The following TBC1D5 variants were observed in gnomAD, a reference collection of about 807,000 sequenced individuals.
TBC1D5 encodes the protein TBC1 domain family member 5.
A neutral mutation model predicts 100.3 loss-of-function variants in TBC1D5; 75 were observed. The observed-to-expected ratio is 0.75, with a 90% CI of 0.62 to 0.91. The LOEUF (loss-of-function observed/expected upper bound fraction) is 0.91. Ranked by LOEUF, TBC1D5 falls within the 40% of genes least tolerant of loss-of-function variation. The pLI is 0.00. For synonymous variants in TBC1D5, 323 were observed against 325.6 expected (o/e 0.99, Z 0.09); for missense variants, 910 against 942.4 (o/e 0.97, Z 0.45).
intron 15 of TBC1D5, among the ~76,000 whole-genome samples, chr3:17,269,756 T>C (rs553472287): frequency 1.1e-4 from 16 of 152,214 alleles, no homozygotes; most frequent in African/African-American, 3.9e-4. Flanking sequence ...AATTTGGTTT[T>C]GTTTCTGTGT....
intron 2 of TBC1D5, among the ~76,000 whole-genome samples, chr3:17,612,593 T>C (rs1217474228): frequency 1.3e-5 from 2 of 151,166 alleles, no homozygotes. Flanking sequence ...TCGCACCACT[T>C]CACTCAAGCC....
chr3:17,441,663 C>G (rs1024550248), intron 3 of TBC1D5, among the ~76,000 whole-genome samples: 3 of 152,140 alleles, frequency 2.0e-5, no homozygotes, highest in African/African-American at 7.2e-5. Context: ...CAATGAGAAG[C>G]TACTGGAAAG....
intron 15 of TBC1D5, among the ~76,000 whole-genome samples, chr3:17,268,199 G>T (rs571338399): frequency 8.9e-4 from 136 of 152,088 alleles, no homozygotes; most frequent in Non-Finnish European, 1.6e-3. Flanking sequence ...TCTTAGATGT[G>T]AATTTCTCTA....
chr3:17,363,371 C>G (rs924085489), intron 13 of TBC1D5, among the ~76,000 whole-genome samples: 1 of 152,010 alleles, frequency 6.6e-6, no homozygotes, highest in African/African-American at 2.4e-5. Context: ...ATGATTATAT[C>G]AACATTGAGC....
chr3:17,355,076 T>C (rs1036924146), intron 13 of TBC1D5, among the ~76,000 whole-genome samples: 1 of 152,128 alleles, frequency 6.6e-6, no homozygotes. Flanking sequence ...AAGGATGGGA[T>C]CATTTCACTC....
At chr3:17,475,409 C>T (rs1014160048) in intron 3 of TBC1D5, among the ~76,000 whole-genome samples, 3 of 152,048 alleles carry the variant, frequency 2.0e-5, no homozygotes, top group Non-Finnish European at 2.9e-5. Context: ...ACTACCAACA[C>T]TTTAGTAAAT....
At chr3:17,198,180 A>C (rs947262550) in intron 18 of TBC1D5, among the ~76,000 whole-genome samples, 1 of 152,226 alleles carries the variant, frequency 6.6e-6, no homozygotes, top group Non-Finnish European at 1.5e-5. Context: ...TTTATGAAAC[A>C]GAAGTGTTAC....
chr3:17,624,916 A>G lies in TBC1D5; in HGVS notation c.-100-1003T>C, dbSNP rs2153658294. Among the ~76,000 whole-genome samples the G allele has an allele frequency of 1.3e-5, 2 of 152,278 alleles. 1 individual carries two copies. The highest frequency in any genetic ancestry group is 4.1e-4 in the South Asian group (2 of 4,830). On this transcript the variant is annotated intron_variant, in intron 1 of 21. Coordinates refer to ENST00000253692, the Ensembl canonical transcript of TBC1D5. ...AGAGAGAACGTCTAAAATAAAATTTAAAGTCCATAATCATCTAAACAAATA... is the reference window on the plus strand; with the variant it reads ...AGAGAGAACGTCTAAAATAAAATTTGAAGTCCATAATCATCTAAACAAATA...
At chr3:17,312,538 A>G (rs1415971495) in intron 13 of TBC1D5, among the ~76,000 whole-genome samples, 1 of 152,152 alleles carries the variant, frequency 6.6e-6, no homozygotes, top group Non-Finnish European at 1.5e-5. Context: ...CATGGATTGA[A>G]CCCAGCTTGA....
chr3:17,325,404 C>A (rs1345310646), intron 13 of TBC1D5, among the ~76,000 whole-genome samples: 3 of 148,254 alleles, frequency 2.0e-5, no homozygotes, highest in Non-Finnish European at 4.4e-5. Flanking sequence ...CTCATTGCAA[C>A]CTTCACCTCC....
intron 13 of TBC1D5, among the ~76,000 whole-genome samples, chr3:17,367,584 C>T (rs993576349): frequency 2.6e-5 from 4 of 152,034 alleles, no homozygotes; most frequent in South Asian, 2.1e-4. Context: ...TTAGGCTGGG[C>T]GCAGTGGCTC....
In TBC1D5 at chr3:17,616,908, T is replaced by C. The variant is rs969414675; in HGVS notation, c.-36+6941A>G. On this transcript the variant is annotated intron_variant, in intron 2 of 21. Transcript: ENST00000253692. Reference sequence around the variant, plus strand: ...TTTACATTTAAGGTTAATATTGTTATGTGTGAATTTGATCCTGTCATTATG... The same window carrying C: ...TTTACATTTAAGGTTAATATTGTTACGTGTGAATTTGATCCTGTCATTATG... 2.0e-5 allele frequency among the ~76,000 whole-genome samples: 3 copies of C among 152,330 alleles called. No individual in the cohort carries two copies. The South Asian group carries it at 6.2e-4, about 32-fold the overall frequency.
At chr3:17,517,897 A>C (rs1033191892) in intron 2 of TBC1D5, among the ~76,000 whole-genome samples, 4 of 152,226 alleles carry the variant, frequency 2.6e-5, no homozygotes, top group Non-Finnish European at 5.9e-5. Context: ...ATGTATTTCT[A>C]AATTTCATAT....
At position 17,358,387 on chromosome 3, in the gene TBC1D5, C is replaced by T. The variant is rs975884780; in HGVS notation, c.995+13688G>A. ...TTTTAGTGGAGACAGGGTTCCTCCA[C>T]GTTGGTCAGGCTGGTCTTGAACTCC... On this transcript the variant is annotated intron_variant, in intron 13 of 21. Transcript: ENST00000253692. 1.8e-4 allele frequency among the ~76,000 whole-genome samples: 27 copies of T among 151,916 alleles called. 1 individual carries two copies. Among genetic ancestry groups the T allele is most frequent in the Non-Finnish European group, 1.3e-4 (9 of 67,924 alleles).
intron 13 of TBC1D5, among the ~76,000 whole-genome samples, chr3:17,362,718 C>T (rs931001933): frequency 9.2e-5 from 14 of 152,066 alleles, no homozygotes; most frequent in African/African-American, 2.4e-4. Context: ...GTGATCTGCC[C>T]GCCTCGGCCT....
At chr3:17,383,850 A>G in intron 9 of TBC1D5, 63 bp downstream of exon 9, 1 of 1,287,978 alleles carries the variant, frequency 7.8e-7, no homozygotes, top group Non-Finnish European at 1.1e-6. Context: ...TTGCTCTATC[A>G]TTTGTCAAGC....
chr3:17,320,584 A>G (rs1050466514), intron 13 of TBC1D5, among the ~76,000 whole-genome samples: 1 of 152,218 alleles, frequency 6.6e-6, no homozygotes, highest in African/African-American at 2.4e-5. Context: ...CATATTTACC[A>G]AAACTTTTCT....
intron 13 of TBC1D5, among the ~76,000 whole-genome samples, chr3:17,343,428 C>CT (rs2089329262): frequency 6.6e-6 from 1 of 151,162 alleles, no homozygotes; most frequent in Non-Finnish European, 1.5e-5. Flanking sequence ...CTAAAATTCT[C>CT]TTTTTTGGTT....
intron 18 of TBC1D5, among the ~76,000 whole-genome samples, chr3:17,196,160 T>C (rs1357914207): frequency 6.6e-6 from 1 of 152,208 alleles, no homozygotes; most frequent in Non-Finnish European, 1.5e-5. Flanking sequence ...CAAGTAGTTC[T>C]CTGACATTCA....
Sources: gnomAD v4.1 joint callset for allele counts (sites outside exome capture counted in the v4.1 genomes callset) on GRCh38, gnomAD v4.1.1 for gene constraint, MANE v1.5 for transcripts, NCBI Gene and HGNC (gene_info 2026-07-23, HGNC 2026-07-21) for gene names.